The following PARG variants were observed in gnomAD, a reference collection of about 807,000 sequenced individuals.
PARG encodes the protein poly(ADP-ribose) glycohydrolase, also known as mitochondrial poly(ADP-ribose) glycohydrolase.
Under a neutral mutation model 113.0 loss-of-function variants are expected in PARG, and 35 were observed. That is an observed-to-expected ratio of 0.31 (90% confidence interval 0.24 to 0.41). The LOEUF (loss-of-function observed/expected upper bound fraction) is 0.41, where lower values mean the gene tolerates loss of function less well. Among genes scored for constraint, PARG ranks in the 10% least tolerant of loss-of-function variants. The probability of loss-of-function intolerance (pLI) is 1.00; values close to 1 mark genes in which losing one functional copy is unlikely to be tolerated. For missense variants in PARG, 797 were observed against 1,169.4 expected (o/e 0.68, Z 4.64); for synonymous variants, 330 against 409.9 (o/e 0.81, Z 2.36).
intron 7 of PARG, among the ~76,000 whole-genome samples, chr10:49,889,348 G>A (rs1210933008): frequency 6.6e-6 from 1 of 152,162 alleles, no homozygotes; most frequent in Non-Finnish European, 1.5e-5. Context: ...TACTGTGCCA[G>A]CAGGGGAATG....
At chr10:49,884,579 A>C (rs1312801251) in intron 8 of PARG, among the ~76,000 whole-genome samples, 4 of 152,068 alleles carry the variant, frequency 2.6e-5, no homozygotes, top group Non-Finnish European at 5.9e-5. Context: ...CAAAAAAAGA[A>C]ACTTAGCCGG....
intron 13 of PARG, among the ~76,000 whole-genome samples, chr10:49,847,345 T>TG (rs1394088789): frequency 6.6e-6 from 1 of 151,656 alleles, no homozygotes; most frequent in Non-Finnish European, 1.5e-5. Context: ...TGGAGGAACC[T>TG]GGTCAACCCA....
intron 15 of PARG, among the ~76,000 whole-genome samples, chr10:49,841,693 A>G (rs1208243222): frequency 1.3e-5 from 2 of 152,202 alleles, no homozygotes; most frequent in Admixed American, 6.5e-5. Context: ...CATAGCAGCT[A>G]AGGTACTTGA....
At chr10:49,931,471 C>T (rs1230025302) in intron 4 of PARG, among the ~76,000 whole-genome samples, 23 of 152,048 alleles carry the variant, frequency 1.5e-4, no homozygotes, top group Admixed American at 2.0e-4. Flanking sequence ...TCAGCTGGCA[C>T]CACCCAGATG....
At chr10:49,856,866 G>A (rs1353135867) in intron 13 of PARG, among the ~76,000 whole-genome samples, 25 of 151,454 alleles carry the variant, frequency 1.7e-4, no homozygotes, top group Non-Finnish European at 1.8e-4. Context: ...AAAATTAGCC[G>A]GGTGTGGTGA....
intron 16 of PARG, among the ~76,000 whole-genome samples, chr10:49,824,040 G>A (rs1554829100): frequency 6.6e-6 from 1 of 152,116 alleles, no homozygotes; most frequent in Non-Finnish European, 1.5e-5. Context: ...TCTGTGACTA[G>A]CCAGTTACTC....
chr10:49,930,016 T>G (rs1838408843), intron 4 of PARG, among the ~76,000 whole-genome samples: 1 of 151,796 alleles, frequency 6.6e-6, no homozygotes, highest in Non-Finnish European at 1.5e-5. Context: ...AAAATCCTGA[T>G]TCATCCATCT....
intron 4 of PARG, among the ~76,000 whole-genome samples, chr10:49,923,649 C>G (rs1434156450): frequency 1.3e-5 from 2 of 151,736 alleles, no homozygotes; most frequent in Non-Finnish European, 2.9e-5. Flanking sequence ...TGGAAGCAGC[C>G]GGCGCCAGGG....
At position 49,843,575 on chromosome 10, in the gene PARG, C is replaced by A; in HGVS notation, c.2411G>T (p.Ser804Ile). Residue 804 changes from serine (S) to isoleucine (I), a missense_variant, in exon 14 of 18, where the codon AGC (serine) becomes ATC (isoleucine). Physicochemically the swap from Ser to Ile is moderately radical, Grantham distance 142. Transcript: ENST00000616448. Reference protein sequence around the residue: ...GYAETYRWSRSHEDGSERDDW... With the variant: ...GYAETYRWSRIHEDGSERDDW... ...TCACCTTTCACTCCCATCTTCGTGGCTCCGGGACCAACGATATGTCTCAGC... is the reference window on the plus strand; with the variant it reads ...TCACCTTTCACTCCCATCTTCGTGGATCCGGGACCAACGATATGTCTCAGC... 6.4e-7 allele frequency: 1 copy of A among 1,550,488 alleles called. No homozygotes were observed. The highest frequency in any genetic ancestry group is 8.7e-7 in the Non-Finnish European group (1 of 1,145,894).
intron 13 of PARG, among the ~76,000 whole-genome samples, chr10:49,845,015 G>C (rs574267274): frequency 6.6e-6 from 1 of 152,212 alleles, no homozygotes; most frequent in South Asian, 2.1e-4. Flanking sequence ...AACATTATTA[G>C]TCATCAGAGA....
chr10:49,912,734 G>A (rs1837267769), intron 7 of PARG, among the ~76,000 whole-genome samples: 1 of 152,196 alleles, frequency 6.6e-6, no homozygotes, highest in Non-Finnish European at 1.5e-5. Context: ...GGAGGCTGAG[G>A]AGCGAAGATT....
intron 10 of PARG, among the ~76,000 whole-genome samples, chr10:49,867,592 A>C (rs2132570441): frequency 6.7e-6 from 1 of 148,544 alleles, no homozygotes. Context: ...TCCTCTTCAA[A>C]CCATTAGCTT....
chr10:49,843,737 T>G, intron 13 of PARG, 105 bp from the exon 14 acceptor site: 1 of 742,696 alleles, frequency 1.3e-6, no homozygotes, highest in South Asian at 1.6e-5. Flanking sequence ...GTACTGAAGG[T>G]CTCTCCAGCC....
intron 7 of PARG, among the ~76,000 whole-genome samples, chr10:49,910,228 A>C (rs2813013): frequency 0.072 from 10,767 of 150,162 alleles, 556 homozygotes; most frequent in African/African-American, 0.14. Context: ...AGGACAAGAG[A>C]TGATAGGAGA....
intron 7 of PARG, among the ~76,000 whole-genome samples, chr10:49,899,341 G>T (rs559115763): frequency 2.4e-4 from 37 of 152,272 alleles, no homozygotes; most frequent in Non-Finnish European, 3.7e-4. Context: ...ACTGGAGAAG[G>T]TGAAAATTTC....
chr10:49,931,800 A>G (rs1354921454), intron 4 of PARG, among the ~76,000 whole-genome samples: 1 of 152,192 alleles, frequency 6.6e-6, no homozygotes, highest in Admixed American at 6.5e-5. Context: ...CAGTCAGTAC[A>G]CAATACTATC....
chr10:49,838,909 T>C (rs1307783054), intron 15 of PARG, among the ~76,000 whole-genome samples: 2 of 152,246 alleles, frequency 1.3e-5, no homozygotes, highest in Non-Finnish European at 2.9e-5. Flanking sequence ...ACACTCAACT[T>C]ACTAGGCTTT....
intron 16 of PARG, among the ~76,000 whole-genome samples, chr10:49,832,469 A>C (rs1008769111): frequency 6.6e-6 from 1 of 152,202 alleles, no homozygotes; most frequent in Non-Finnish European, 1.5e-5. Context: ...CTGTGAAATA[A>C]CTGTCCATAA....
At chr10:49,846,387 T>A (rs1218889162) in intron 13 of PARG, among the ~76,000 whole-genome samples, 17 of 151,530 alleles carry the variant, frequency 1.1e-4, no homozygotes, top group African/African-American at 3.4e-4. Context: ...TTTTTTTTTT[T>A]ATGTCTTGAT....
Sources: gnomAD v4.1 joint callset for allele counts (sites outside exome capture counted in the v4.1 genomes callset) on GRCh38, gnomAD v4.1.1 for gene constraint, MANE v1.5 for transcripts, NCBI Gene and HGNC (gene_info 2026-07-23, HGNC 2026-07-21) for gene names.